Variants in GRIN2A observed in about 807,000 individuals in gnomAD.
GRIN2A encodes glutamate ionotropic receptor NMDA type subunit 2A.
A neutral mutation model predicts 113.4 loss-of-function variants in GRIN2A; 22 were observed. The observed-to-expected ratio is 0.19, with a 90% confidence interval of 0.14 to 0.28. The LOEUF (loss-of-function observed/expected upper bound fraction) is 0.28. Ranked by LOEUF, GRIN2A falls within the 10% of genes least tolerant of loss-of-function variation. The probability of loss-of-function intolerance (pLI) is 1.00; values close to 1 mark genes in which losing one functional copy is unlikely to be tolerated. For synonymous variants in GRIN2A, 827 were observed against 738.4 expected (o/e 1.12, Z -1.94); for missense variants, 1,502 against 1,887.0 (o/e 0.80, Z 3.78).
At chr16:10,115,366 T>G (rs2048711328) in intron 2 of GRIN2A, among the ~76,000 whole-genome samples, 1 of 152,212 alleles carries the variant, frequency 6.6e-6, no homozygotes, top group Non-Finnish European at 1.5e-5. Context: ...TTGTATGTTT[T>G]CATTTGTAGG....
At chr16:10,032,680 A>C (rs1183720381) in intron 2 of GRIN2A, among the ~76,000 whole-genome samples, 1 of 152,198 alleles carries the variant, frequency 6.6e-6, no homozygotes, top group Non-Finnish European at 1.5e-5. Context: ...AAAGTGGTGG[A>C]TTCAGGGTTG....
intron 2 of GRIN2A, among the ~76,000 whole-genome samples, chr16:9,974,132 T>A (rs4780751): frequency 0.5 from 76,132 of 152,072 alleles, 19,525 homozygotes; most frequent in Non-Finnish European, 0.53. Flanking sequence ...TATAACACTA[T>A]AGCATACAGG....
chr16:10,043,345 TCAAAGTGG>T (rs1241288638), intron 2 of GRIN2A, among the ~76,000 whole-genome samples: 2 of 152,244 alleles, frequency 1.3e-5, no homozygotes, highest in African/African-American at 4.8e-5. Flanking sequence ...AGGCTGATGA[TCAAAGTGG>T]CACGCTAAGA....
intron 2 of GRIN2A, among the ~76,000 whole-genome samples, chr16:10,002,140 G>T (rs971379152): frequency 2.6e-5 from 4 of 152,172 alleles, no homozygotes; most frequent in African/African-American, 7.2e-5. Context: ...ATGGCCTCAT[G>T]TATCACACTA....
chr16:10,018,754 C>G (rs891105668), intron 2 of GRIN2A, among the ~76,000 whole-genome samples: 51 of 152,158 alleles, frequency 3.4e-4, no homozygotes, highest in African/African-American at 1.1e-3. Context: ...TGAAGATGAG[C>G]AGGAAAGAAA....
chr16:9,815,365 G>A, intron 10 of GRIN2A, among the ~76,000 whole-genome samples: 1 of 148,968 alleles, frequency 6.7e-6, no homozygotes, highest in Non-Finnish European at 1.5e-5. Context: ...ATCTGATAAG[G>A]GATTGATATC....
At chr16:10,164,119 A>G (rs2049858364) in intron 2 of GRIN2A, among the ~76,000 whole-genome samples, 1 of 152,228 alleles carries the variant, frequency 6.6e-6, no homozygotes, top group African/African-American at 2.4e-5. Flanking sequence ...ATCATTCTTG[A>G]GTGCATGATG....
intron 2 of GRIN2A, among the ~76,000 whole-genome samples, chr16:10,052,462 G>T (rs559676781): frequency 1.7e-4 from 26 of 152,190 alleles, no homozygotes; most frequent in African/African-American, 6.3e-4. Context: ...AACAGGAACG[G>T]TCAAGTCCCC....
At chr16:9,824,693 A>G (rs1242161816) in intron 9 of GRIN2A, among the ~76,000 whole-genome samples, 1 of 152,150 alleles carries the variant, frequency 6.6e-6, no homozygotes, top group Non-Finnish European at 1.5e-5. Context: ...CATGACTCAC[A>G]ATACGTTTCC....
At position 10,074,003 on chromosome 16, in the gene GRIN2A, G is replaced by A. The variant is rs138838354; in HGVS notation, c.414+105995C>T. Among the ~76,000 whole-genome samples the A allele has an allele frequency of 4.6e-5, 7 of 151,888 alleles. No individual in the cohort carries two copies. In the East Asian group the frequency reaches 1.4e-3, roughly 29 times the overall value. On this transcript the variant is annotated intron_variant, in intron 2 of 12. Coordinates refer to ENST00000330684, the MANE Select transcript of GRIN2A (RefSeq NM_001134407.3). ...ATCTCATAAAAGTCTAGTATCCAGG[G>A]TACATAGAGAACACTCACAACTCAA...
At chr16:10,110,676 T>C (rs2048595612) in intron 2 of GRIN2A, among the ~76,000 whole-genome samples, 1 of 152,244 alleles carries the variant, frequency 6.6e-6, no homozygotes, top group African/African-American at 2.4e-5. Flanking sequence ...TAGCAGGTTC[T>C]GGATAAGTGA....
chr16:10,109,654 A>T (rs2048572631), intron 2 of GRIN2A, among the ~76,000 whole-genome samples: 1 of 152,022 alleles, frequency 6.6e-6, no homozygotes, highest in Non-Finnish European at 1.5e-5. Context: ...AAATAGGAAG[A>T]ATGAATAAGA....
chr16:9,768,052 T>G (rs183562479), intron 12 of GRIN2A, among the ~76,000 whole-genome samples: 78 of 152,268 alleles, frequency 5.1e-4, no homozygotes, highest in Non-Finnish European at 1.0e-3. Context: ...TTTTTTTTAT[T>G]TTTTGTTTTT....
intron 4 of GRIN2A, among the ~76,000 whole-genome samples, chr16:9,859,983 A>G (rs2043037310): frequency 6.6e-6 from 1 of 151,450 alleles, no homozygotes; most frequent in South Asian, 2.1e-4. Context: ...AACAGTCCTC[A>G]GAGAGGTCTA....
intron 2 of GRIN2A, among the ~76,000 whole-genome samples, chr16:10,036,307 C>T (rs1247353613): frequency 2.6e-5 from 4 of 151,948 alleles, no homozygotes; most frequent in African/African-American, 9.7e-5. Flanking sequence ...ATCAAGGTGT[C>T]GGTGGTTCCC....
chr16:10,038,851 AAAAAAAC>A (rs2047086257), intron 2 of GRIN2A, among the ~76,000 whole-genome samples: 1 of 140,948 alleles, frequency 7.1e-6, no homozygotes, highest in Admixed American at 7.5e-5. Flanking sequence ...CCTTCTCAAA[AAAAAAAC>A]AAAAAACAAA....
intron 11 of GRIN2A, among the ~76,000 whole-genome samples, chr16:9,780,860 A>G (rs534186629): frequency 4.6e-5 from 7 of 152,340 alleles, no homozygotes; most frequent in African/African-American, 1.2e-4. Flanking sequence ...TTTAAGCGTG[A>G]TATTTCTTTA....
Position 9,892,209 on chromosome 16 carries a change from C to A in GRIN2A, c.1008-1109G>T, listed in dbSNP as rs1231124866. On this transcript the variant is annotated intron_variant, in intron 3 of 12. Transcript: ENST00000330684. ...TCGTGCCATTGCACTCCAGCCTGGG[C>A]AACAAGTGTGAAACCCTGTCTCAGA... 2.0e-5 allele frequency among the ~76,000 whole-genome samples: 3 copies of A among 151,426 alleles called. No homozygotes were observed. In the East Asian group the frequency reaches 5.8e-4, roughly 29 times the overall value.
rs1270257217 is a variant in GRIN2A at position 9,761,005 on chromosome 16, G to T, written c.*2144C>A. 4.3e-6 allele frequency: 1 copy of T among 232,428 alleles called. No homozygotes were observed. The highest frequency in any genetic ancestry group is 2.2e-5 in the African/African-American group (1 of 45,252). The allele number at this position is 232,428 out of a possible 1,614,324, so 14.4% of individuals were successfully genotyped here. A position where few individuals can be genotyped will look rare whatever the true frequency, so the allele number is the denominator to read the frequency against. On this transcript the variant is annotated 3_prime_UTR_variant, in exon 13 of 13. Transcript: ENST00000330684. ...CATGGCTGGGTCTTGGGGCAGCAGA[G>T]GTACAGCATCCGGGAAATAAAATGT... is the stretch of plus-strand genomic sequence containing the variant.
Sources: allele counts gnomAD v4.1 joint callset (sites outside exome capture counted in the v4.1 genomes callset), GRCh38; gene constraint gnomAD v4.1.1; transcripts MANE v1.5; gene names NCBI Gene and HGNC (gene_info 2026-07-23, HGNC 2026-07-21).